The following SUGCT variants were observed in gnomAD, a reference collection of about 807,000 sequenced individuals.
The protein encoded by SUGCT is succinyl-CoA:glutarate CoA-transferase.
A neutral mutation model predicts 55.0 loss-of-function variants in SUGCT; 41 were observed. The ratio of observed to expected loss-of-function variants is 0.74; its 90% confidence interval spans 0.58 to 0.97. SUGCT has a LOEUF of 0.97. Among genes scored for constraint, SUGCT ranks in the 50% least tolerant of loss-of-function variants. The pLI, the probability that SUGCT is intolerant of heterozygous loss-of-function variation, is 0.00. For synonymous variants in SUGCT, 187 were observed against 200.4 expected, an observed-to-expected ratio of 0.93 and a Z score of 0.56; for missense variants, 568 against 547.8, an observed-to-expected ratio of 1.04 and a Z score of -0.37.
At chr7:40,654,006 A>G (rs1278521575) in intron 12 of SUGCT, among the ~76,000 whole-genome samples, 2 of 152,156 alleles carry the variant, frequency 1.3e-5, no homozygotes, top group Non-Finnish European at 2.9e-5. Flanking sequence ...TAAAAAAAAA[A>G]AGGATACCAA....
intron 13 of SUGCT, among the ~76,000 whole-genome samples, chr7:40,792,128 C>G (rs1248205600): frequency 6.6e-6 from 1 of 152,130 alleles, no homozygotes; most frequent in Admixed American, 6.5e-5. Flanking sequence ...ATGGGCAAAG[C>G]TGCATTGATT....
In SUGCT at chr7:40,557,063, G is replaced by A. The variant is rs550232763; in HGVS notation, c.1089+60677G>A. 7.9e-5 allele frequency among the ~76,000 whole-genome samples: 12 copies of A among 152,316 alleles called. No homozygotes were observed. The South Asian group carries it at 1.9e-3, about 24-fold the overall frequency. On this transcript the variant is annotated intron_variant, in intron 12 of 13. Coordinates refer to ENST00000335693, the MANE Select transcript of SUGCT (RefSeq NM_001193313.2). ...ATCTTGTAAAAGAACAAAGGTGGAAGACTCACACTTCCAAATTGCAAAATT... is the reference window on the plus strand; with the variant it reads ...ATCTTGTAAAAGAACAAAGGTGGAAAACTCACACTTCCAAATTGCAAAATT...
intron 6 of SUGCT, among the ~76,000 whole-genome samples, chr7:40,236,271 T>C (rs2150873086): frequency 6.6e-6 from 1 of 151,994 alleles, no homozygotes; most frequent in East Asian, 2.0e-4. Context: ...TTGGCCAGGC[T>C]GGTCTTGAAC....
intron 12 of SUGCT, among the ~76,000 whole-genome samples, chr7:40,555,314 T>C (rs923357881): frequency 3.4e-5 from 5 of 148,440 alleles, no homozygotes; most frequent in African/African-American, 1.0e-4. Context: ...TTTTTTTTTT[T>C]CTCACTGATT....
chr7:40,188,728 C>A, intron 4 of SUGCT, 148 bp downstream of exon 4: 1 of 534,654 alleles, frequency 1.9e-6, no homozygotes. Context: ...ATTCATTTAC[C>A]ATTCACTAAG....
chr7:40,535,879 A>T (rs956303047), intron 12 of SUGCT, among the ~76,000 whole-genome samples: 5 of 152,170 alleles, frequency 3.3e-5, no homozygotes, highest in Admixed American at 3.3e-4. Flanking sequence ...GTGAGATGTT[A>T]TCTCATTGTG....
chr7:40,504,323 T>G (rs965905660), intron 12 of SUGCT, among the ~76,000 whole-genome samples: 6 of 152,204 alleles, frequency 3.9e-5, no homozygotes, highest in Non-Finnish European at 5.9e-5. Context: ...TTGTTTATTT[T>G]TTGTAGAAAT....
At chr7:40,654,320 T>C (rs1800918170) in intron 12 of SUGCT, among the ~76,000 whole-genome samples, 1 of 152,194 alleles carries the variant, frequency 6.6e-6, no homozygotes. Flanking sequence ...GCACATCCTA[T>C]AACGAGAAAG....
intron 8 of SUGCT, among the ~76,000 whole-genome samples, chr7:40,288,761 G>T (rs1793521533): frequency 6.6e-6 from 1 of 151,688 alleles, no homozygotes; most frequent in African/African-American, 2.4e-5. Context: ...CTTTCAAAAT[G>T]TAAAATTTGT....
intron 12 of SUGCT, among the ~76,000 whole-genome samples, chr7:40,607,477 T>A (rs1006651713): frequency 2.0e-5 from 3 of 152,174 alleles, no homozygotes; most frequent in Non-Finnish European, 4.4e-5. Context: ...CCAGTCTTAT[T>A]TGATGGCCAA....
intron 7 of SUGCT, among the ~76,000 whole-genome samples, chr7:40,239,936 C>T (rs1057354028): frequency 5.3e-5 from 8 of 152,196 alleles, no homozygotes; most frequent in Middle Eastern, 3.4e-3. Flanking sequence ...TCCTACTGTA[C>T]GGTGGGAATG....
At chr7:40,900,049 C>T in the SUGCT span, among the ~76,000 whole-genome samples, 2 of 152,146 alleles carry the variant, frequency 1.3e-5, no homozygotes, top group Non-Finnish European at 2.9e-5. Flanking sequence ...CCACCTCCTT[C>T]ATCCTCGGGG....
intron 12 of SUGCT, among the ~76,000 whole-genome samples, chr7:40,699,777 G>C (rs537818108): frequency 1.3e-5 from 2 of 152,134 alleles, no homozygotes; most frequent in African/African-American, 4.8e-5. Context: ...GCTGAGGCAC[G>C]AGGATTGCTT....
intron 12 of SUGCT, among the ~76,000 whole-genome samples, chr7:40,631,068 T>C (rs1799767285): frequency 6.6e-6 from 1 of 152,238 alleles, no homozygotes; most frequent in Admixed American, 6.5e-5. Context: ...AGTCCAAAGT[T>C]ATTTTATTTC....
At chr7:40,764,517 C>T (rs1411844026) in intron 13 of SUGCT, among the ~76,000 whole-genome samples, 3 of 151,360 alleles carry the variant, frequency 2.0e-5, no homozygotes, top group Non-Finnish European at 4.4e-5. Context: ...TTCTTCTTTT[C>T]TTCAAAAAAA....
At chr7:40,962,101 G>A in the SUGCT span, among the ~76,000 whole-genome samples, 5,920 of 152,168 alleles carry the variant, frequency 0.039, 384 homozygotes, top group African/African-American at 0.14. Context: ...GAGCTGATTG[G>A]TTCATTTTAC....
Position 40,409,288 on chromosome 7 carries a change from G to A in SUGCT, c.817-39999G>A, listed in dbSNP as rs868687280. On this transcript the variant is annotated intron_variant, in intron 9 of 13. Transcript: ENST00000335693. ...TTTTTTATTTTTATTTTTTGAGACA[G>A]GGTCTTGCTCTGTTGCCCGGGCTGT... Among the ~76,000 whole-genome samples the A allele has an allele frequency of 1.2e-4, 18 of 151,826 alleles. No individual in the cohort carries two copies. The Middle Eastern group carries it at 0.01, about 87-fold the overall frequency.
At chr7:40,545,256 CAT>C (rs1344361851) in intron 12 of SUGCT, among the ~76,000 whole-genome samples, 1 of 152,186 alleles carries the variant, frequency 6.6e-6, no homozygotes, top group African/African-American at 2.4e-5. Context: ...AAAGTCATGA[CAT>C]ATTCGGTATT....
At chr7:40,651,152 T>C (rs915003430) in intron 12 of SUGCT, among the ~76,000 whole-genome samples, 6 of 152,194 alleles carry the variant, frequency 3.9e-5, no homozygotes, top group Admixed American at 2.6e-4. Context: ...TTCATGTCTT[T>C]GCTATTGTGA....
Sources: gnomAD v4.1 joint callset for allele counts (sites outside exome capture counted in the v4.1 genomes callset) on GRCh38, gnomAD v4.1.1 for gene constraint, MANE v1.5 for transcripts, NCBI Gene and HGNC (gene_info 2026-07-23, HGNC 2026-07-21) for gene names.